The following MYH3 variants were observed in gnomAD, a reference collection of about 807,000 sequenced individuals.
The protein encoded by MYH3 is myosin heavy chain 3.
Under a neutral mutation model 238.0 loss-of-function variants are expected in MYH3, and 130 were observed. The ratio of observed to expected loss-of-function variants is 0.55; its 90% CI spans 0.47 to 0.63. The LOEUF (loss-of-function observed/expected upper bound fraction) is 0.63, where lower values mean the gene tolerates loss of function less well. MYH3 is among the 30% of genes least tolerant of loss of function. The probability of loss-of-function intolerance (pLI) is 0.00; values close to 1 mark genes in which losing one functional copy is unlikely to be tolerated. For missense variants in MYH3, 1,853 were observed against 2,374.9 expected (o/e 0.78, Z 4.57); for synonymous variants, 880 against 924.1 (o/e 0.95, Z 0.86).
the MYH3 span, chr17:10,674,921 G>T: frequency 6.6e-6 from 1 of 152,258 alleles, no homozygotes; most frequent in Non-Finnish European, 1.5e-5. Flanking sequence ...AATGCAGTGA[G>T]CATCATCAGA....
At chr17:10,663,278 C>A in the MYH3 span, among the ~76,000 whole-genome samples, 1 of 152,138 alleles carries the variant, frequency 6.6e-6, no homozygotes, top group African/African-American at 2.4e-5. Context: ...TCCAAATGAA[C>A]TGTATGGTAC....
Position 10,641,184 on chromosome 17 carries a change from A to C in MYH3, c.2066T>G (p.Leu689Arg), listed in dbSNP as rs1356747333. 3.7e-6 allele frequency: 6 copies of C among 1,614,072 alleles called. No homozygotes were observed. Among genetic ancestry groups the C allele is most frequent in the Non-Finnish European group, 5.1e-6 (6 of 1,180,036 alleles). The change falls in exon 19 of 41, where the codon CTT (leucine) becomes CGT (arginine). Residue 689 changes from leucine to arginine, a missense_variant. This residue lies in a region of MYH3 where 678 missense variants were observed against 1,058.9 expected (regional missense o/e 0.64). Coordinates refer to ENST00000583535, the MANE Select transcript of MYH3 (RefSeq NM_002470.4). The part of the protein sequence containing the change: ...TKTPGAMEHS[L>R]VLHQLRCNGV... ...GTTACACCGCAGCTGGTGCAGAACA[A>C]GGCTGTGTTCCATAGCCCCTGGGAA... is the stretch of plus-strand genomic sequence containing the variant.
chr17:10,663,084 C>T, the MYH3 span, among the ~76,000 whole-genome samples: 3 of 151,518 alleles, frequency 2.0e-5, no homozygotes, highest in African/African-American at 7.3e-5. Context: ...GAGACTCCAT[C>T]TCAAAATAAA....
rs770163453 is a variant in MYH3, at chr17:10,632,658, GGTA to G, written c.4771_4773del (p.Tyr1591del). The G allele has an allele frequency of 2.2e-5, 36 of 1,614,036 alleles. No homozygotes were observed. The highest frequency in any genetic ancestry group is 2.9e-5 in the Non-Finnish European group (34 of 1,180,040). ...CTCTGCATGGTTTCCACTGTTCTCTGGTAGTTCCTCTTCAGCTGCTCGATCTCT... is the reference window on the plus strand; with the variant it reads ...CTCTGCATGGTTTCCACTGTTCTCTGGTTCCTCTTCAGCTGCTCGATCTCT... On this transcript the variant is annotated inframe_deletion, in exon 34 of 41. Coordinates refer to ENST00000583535, the MANE Select transcript of MYH3 (RefSeq NM_002470.4).
At chr17:10,671,511 CTATT>C in the MYH3 span, among the ~76,000 whole-genome samples, 1 of 150,868 alleles carries the variant, frequency 6.6e-6, no homozygotes, top group Non-Finnish European at 1.5e-5. Context: ...AAATTATTAA[CTATT>C]TGTATTCCTC....
chr17:10,667,680 TAA>T, the MYH3 span, among the ~76,000 whole-genome samples: 173 of 111,674 alleles, frequency 1.5e-3, no homozygotes, highest in Middle Eastern at 0.011. Flanking sequence ...AGACTCTGTC[TAA>T]AAAAAAAAAA....
rs769402735 is a variant in MYH3, at chr17:10,639,067, T to G, written c.3225A>C (p.Gln1075His). The change falls in exon 25 of 41, where the codon CAA becomes CAC. Residue 1075 changes from glutamine (Q) to histidine (H), a missense_variant. Gln to His is a conservative substitution (Grantham distance 24). Around this residue, in one of 3 missense-constraint regions of MYH3, gnomAD observed 1,044 missense variants for 1,192.6 expected, o/e 0.88. Transcript: ENST00000583535. ...ESILDLENDK[Q>H]QLDERLKKKD... ...ACTTCTTGAGCCTTTCGTCCAGCTG[T>G]TGCTTGTCATTCTCCAGATCTAATA... is the stretch of plus-strand genomic sequence containing the variant. 6.2e-7 allele frequency: 1 copy of G among 1,614,128 alleles called. No homozygotes were observed. The highest frequency in any genetic ancestry group is 8.5e-7 in the Non-Finnish European group (1 of 1,180,048).
rs1301562398 is a variant in MYH3 at position 10,645,989 on chromosome 17, A to C, written c.942T>G (p.Ile314Met). 1.9e-6 allele frequency: 3 copies of C among 1,613,918 alleles called. No homozygotes were observed. In the African/African-American group the frequency reaches 4.0e-5, roughly 22 times the overall value. ...ITTNPYDYPF[I>M]SQGEILVASI... is the part of the protein sequence containing the mutation. ...TGGCCACCAGGATCTCCCCCTGGCT[A>C]ATGAACGGGTAGTCGTAAGGGTTGG... Residue 314 changes from isoleucine (I) to methionine (M), a missense_variant, in exon 11 of 41, where the codon ATT becomes ATG. Around this residue, in one of 3 missense-constraint regions of MYH3, gnomAD observed 678 missense variants for 1,058.9 expected, o/e 0.64. Transcript: ENST00000583535.
rs559309285 is a variant in MYH3, at chr17:10,652,702, A to G, written c.205-139T>C. The G allele has an allele frequency of 2.4e-5, 22 of 928,926 alleles. 1 individual carries two copies. The East Asian group carries it at 4.4e-4, about 19-fold the overall frequency. The allele number at this position is 928,926 out of a possible 1,614,324, so 57.5% of individuals were successfully genotyped here. ...AGTGATGCGATCTCGGCTCACTGCA[A>G]GCTCCACCTCCCGGGTTCACACCAT... On this transcript the variant is annotated intron_variant, in intron 3 of 40. Coordinates refer to ENST00000583535, the MANE Select transcript of MYH3 (RefSeq NM_002470.4).
the MYH3 span, among the ~76,000 whole-genome samples, chr17:10,671,816 T>C: frequency 6.6e-6 from 1 of 152,034 alleles, no homozygotes; most frequent in African/African-American, 2.4e-5. Flanking sequence ...CCTGACCTTG[T>C]GATCCGCCCG....
the MYH3 span, chr17:10,674,651 C>T: frequency 6.5e-6 from 1 of 153,134 alleles, no homozygotes; most frequent in African/African-American, 2.4e-5. Flanking sequence ...TGAGGACATA[C>T]CAGATGGTGT....
intron 7 of MYH3, among the ~76,000 whole-genome samples, chr17:10,649,239 A>G (rs773452959): frequency 5.3e-4 from 80 of 152,342 alleles, no homozygotes; most frequent in Admixed American, 1.6e-3. Flanking sequence ...TGCTGCTGTA[A>G]TACATTTGTT....
Position 10,640,635 on chromosome 17 carries a change from G to A in MYH3, c.2217C>T (p.Ser739=), listed in dbSNP as rs769338856. ...SAIPEGQFID[S]KKACEKLLAS... Reference sequence around the variant, plus strand: ...CCAGAAGCTTTTCACAGGCTTTCTTGCTGTCAATGAATTGTCCCTCAGGGA... The same window carrying A: ...CCAGAAGCTTTTCACAGGCTTTCTTACTGTCAATGAATTGTCCCTCAGGGA... Residue 739 remains serine, a synonymous_variant, in exon 20 of 41, where the codon AGC becomes AGT. Transcript: ENST00000583535. The A allele has an allele frequency of 3.1e-6, 5 of 1,614,196 alleles. No individual in the cohort carries two copies. Among genetic ancestry groups the A allele is most frequent in the Non-Finnish European group, 4.2e-6 (5 of 1,179,996 alleles).
At chr17:10,648,133 C>T (rs750443875) in intron 8 of MYH3, among the ~76,000 whole-genome samples, 12 of 152,152 alleles carry the variant, frequency 7.9e-5, no homozygotes, top group Non-Finnish European at 1.6e-4. Flanking sequence ...TCTCTTCCAC[C>T]TCATCTCATG....
intron 34 of MYH3, 66 bp from the exon 35 acceptor site, chr17:10,632,082 T>C (rs1426488616): frequency 6.5e-6 from 10 of 1,547,812 alleles, no homozygotes; most frequent in Non-Finnish European, 8.8e-6. Context: ...CTCATCTGCA[T>C]CTCTGAGTTT....
chr17:10,652,815 G>T (rs887092038), intron 3 of MYH3, among the ~76,000 whole-genome samples: 2 of 151,658 alleles, frequency 1.3e-5, no homozygotes, highest in East Asian at 3.9e-4. Context: ...TAGAGACGGG[G>T]TTTCACCGTG....
At chr17:10,652,997 G>A (rs1449077087) in intron 3 of MYH3, among the ~76,000 whole-genome samples, 2 of 152,126 alleles carry the variant, frequency 1.3e-5, no homozygotes, top group Non-Finnish European at 2.9e-5. Context: ...CCAAACCCTA[G>A]AACAAGCCCA....
At position 10,652,172 on chromosome 17, in the gene MYH3, C is replaced by T. The variant is rs983469282; in HGVS notation, c.348+248G>A. ...CTCCCACAGTTGGTAAGTCACAGCA[C>T]CCCGTGACCAAGCCTGGCCCCAGCT... is the stretch of plus-strand genomic sequence containing the variant. On this transcript the variant is annotated intron_variant, in intron 4 of 40. Coordinates refer to ENST00000583535, the MANE Select transcript of MYH3 (RefSeq NM_002470.4). The T allele has an allele frequency of 8.8e-6, 5 of 568,350 alleles. No individual in the cohort carries two copies. The East Asian group carries it at 1.0e-4, about 11-fold the overall frequency. 35.2% of individuals were successfully genotyped at this position (568,350 alleles called of 1,614,324 possible). A position where few individuals can be genotyped will look rare whatever the true frequency, so the allele number is the denominator to read the frequency against.
chr17:10,666,103 C>CA, the MYH3 span, among the ~76,000 whole-genome samples: 1 of 151,882 alleles, frequency 6.6e-6, no homozygotes, highest in African/African-American at 2.4e-5. Flanking sequence ...GATTAAATAA[C>CA]AAATAGATCA....
Sources: gnomAD v4.1 joint callset for allele counts (sites outside exome capture counted in the v4.1 genomes callset) on GRCh38, gnomAD v4.1.1 for gene constraint, gnomAD v4.1.1 regional missense constraint, MANE v1.5 for transcripts, NCBI Gene and HGNC (gene_info 2026-07-23, HGNC 2026-07-21) for gene names.